The following PTPN22 variants were observed in gnomAD, a reference collection of about 807,000 sequenced individuals.
The protein encoded by PTPN22 is protein tyrosine phosphatase non-receptor type 22.
A neutral mutation model predicts 103.3 loss-of-function variants in PTPN22; 85 were observed. The observed-to-expected ratio is 0.82, with a 90% CI of 0.69 to 0.99. PTPN22 has a LOEUF of 0.99. PTPN22 is among the 50% of genes least tolerant of loss of function. PTPN22 has a pLI of 0.00. For missense variants in PTPN22, 865 were observed against 936.9 expected (o/e 0.92, Z 1.00); for synonymous variants, 323 against 310.2 (o/e 1.04, Z -0.43).
In PTPN22 at chr1:113,848,490, A is replaced by G. The variant is rs1189675014; in HGVS notation, c.915+50T>C. The G allele has an allele frequency of 1.9e-6, 3 of 1,606,676 alleles. No homozygotes were observed. In the East Asian group the frequency reaches 6.7e-5, roughly 36 times the overall value. On this transcript the variant is annotated intron_variant, in intron 11 of 20. Coordinates refer to ENST00000359785, the Ensembl canonical transcript of PTPN22. Reference sequence around the variant, plus strand: ...GCAACAAATCTGACATCCCTTGACCAAAAGCAAGTATGAAAATTTTTTTGA... The same window carrying G: ...GCAACAAATCTGACATCCCTTGACCGAAAGCAAGTATGAAAATTTTTTTGA...
exon 1 of PTPN22, chr1:113,871,559 T>A: frequency 6.2e-7 from 1 of 1,614,056 alleles, no homozygotes; most frequent in Non-Finnish European, 8.5e-7. Context: ...GGCAAACTCC[T>A]CTTTAGTAAT....
intron 11 of PTPN22, among the ~76,000 whole-genome samples, chr1:113,841,454 T>C (rs969613522): frequency 6.6e-6 from 1 of 152,058 alleles, no homozygotes; most frequent in African/African-American, 2.4e-5. Context: ...AGATTAAGAC[T>C]TTTACACACC....
chr1:113,864,459 T>G (rs1011693685), intron 1 of PTPN22: 1 of 303,092 alleles, frequency 3.3e-6, no homozygotes, highest in African/African-American at 2.3e-5. Flanking sequence ...GACCACCAAA[T>G]TGAGATCTAA....
intron 10 of PTPN22, among the ~76,000 whole-genome samples, chr1:113,849,500 AATTTTTTTTCAAAG>A (rs1160103458): frequency 6.6e-6 from 1 of 152,196 alleles, no homozygotes; most frequent in Non-Finnish European, 1.5e-5. Flanking sequence ...AATAAAGAAC[AATTTTTTTTCAAAG>A]ATAATTTTAG....
At chr1:113,836,745 T>G (rs1363620677) in intron 13 of PTPN22, among the ~76,000 whole-genome samples, 3 of 150,362 alleles carry the variant, frequency 2.0e-5, no homozygotes, top group Non-Finnish European at 4.4e-5. Flanking sequence ...CTGGGCAACA[T>G]AGCAAGACCC....
chr1:113,851,617 T>C (rs538181160), intron 10 of PTPN22, among the ~76,000 whole-genome samples: 221 of 152,362 alleles, frequency 1.5e-3, no homozygotes, highest in African/African-American at 5.2e-3. Flanking sequence ...CATATTCTGT[T>C]ACCACATCCT....
chr1:113,870,757 T>C (rs971652429), intron 1 of PTPN22, among the ~76,000 whole-genome samples: 33 of 152,196 alleles, frequency 2.2e-4, no homozygotes, highest in African/African-American at 7.2e-4. Flanking sequence ...TAGTGGTTCA[T>C]GCCTGTAATC....
At chr1:113,863,924 TATA>T (rs146630006) in intron 1 of PTPN22, among the ~76,000 whole-genome samples, 25,382 of 110,240 alleles carry the variant, frequency 0.23, 2,313 homozygotes, top group African/African-American at 0.3. Flanking sequence ...TATATATATA[TATA>T]TTTTTTTTTG....
intron 1 of PTPN22, among the ~76,000 whole-genome samples, chr1:113,868,641 T>G (rs1666314323): frequency 6.6e-6 from 1 of 152,026 alleles, no homozygotes; most frequent in Non-Finnish European, 1.5e-5. Flanking sequence ...AAAAACAAGG[T>G]CCTTAAAATC....
rs1287142055 is a variant in PTPN22, at chr1:113,833,254, T to C, written c.2026-116A>G. Reference sequence around the variant, plus strand: ...TGTAATATAGCTGTAGAGATAATTATGAAATGTAGACCCTATTTTTCCTAA... The same window carrying C: ...TGTAATATAGCTGTAGAGATAATTACGAAATGTAGACCCTATTTTTCCTAA... On this transcript the variant is annotated intron_variant, in intron 15 of 20. Transcript: ENST00000359785. 5.7e-6 allele frequency: 4 copies of C among 699,398 alleles called. No homozygotes were observed. In the East Asian group the frequency reaches 9.5e-5, roughly 17 times the overall value. 43.3% of individuals were successfully genotyped at this position (699,398 alleles called of 1,614,324 possible).
chr1:113,835,606 A>C (rs1466726991), intron 13 of PTPN22, among the ~76,000 whole-genome samples: 2 of 152,156 alleles, frequency 1.3e-5, no homozygotes, highest in African/African-American at 4.8e-5. Context: ...TATTATATTA[A>C]TTTTGGAAGC....
At chr1:113,852,625 T>G (rs1321894469) in intron 9 of PTPN22, among the ~76,000 whole-genome samples, 1 of 152,196 alleles carries the variant, frequency 6.6e-6, no homozygotes, top group Non-Finnish European at 1.5e-5. Flanking sequence ...CTGGACAGCT[T>G]GCTGGGCCCC....
At chr1:113,833,310 T>G (rs56112305) in intron 15 of PTPN22, among the ~76,000 whole-genome samples, 172 bp from the exon 16 acceptor site, 1 of 152,198 alleles carries the variant, frequency 6.6e-6, no homozygotes, top group Non-Finnish European at 1.5e-5. Flanking sequence ...TGAAATGGCA[T>G]CTTTCACTCT....
At chr1:113,839,468 C>T (rs1014137099) in intron 11 of PTPN22, among the ~76,000 whole-genome samples, 3 of 151,610 alleles carry the variant, frequency 2.0e-5, no homozygotes, top group South Asian at 2.1e-4. Flanking sequence ...TGGCTCACTG[C>T]GGTGTTGACC....
At chr1:113,815,115 T>C (rs1300360835) in intron 20 of PTPN22, 146 bp from the exon 21 acceptor site, 4 of 607,934 alleles carry the variant, frequency 6.6e-6, no homozygotes, top group East Asian at 2.9e-5. Context: ...TAGTAATAGA[T>C]TATAAAGGGA....
At chr1:113,852,560 G>A (rs2102068531) in intron 9 of PTPN22, among the ~76,000 whole-genome samples, 2 of 152,314 alleles carry the variant, frequency 1.3e-5, no homozygotes, top group Middle Eastern at 6.8e-3. Flanking sequence ...TAAAGGAAGG[G>A]TAACTATATA....
intron 7 of PTPN22, 95 bp downstream of exon 7, chr1:113,856,287 C>A (rs1285460030): frequency 1.4e-6 from 2 of 1,419,274 alleles, no homozygotes; most frequent in Non-Finnish European, 1.8e-6. Context: ...CTACCACTTC[C>A]CATTGTCTTA....
At chr1:113,858,521 G>A (rs771337900) in exon 4 of PTPN22, 2 of 1,607,126 alleles carry the variant, frequency 1.2e-6, no homozygotes, top group Non-Finnish European at 1.7e-6. Flanking sequence ...GTCCAGGAGG[G>A]TTGTAGATAA....
At chr1:113,854,211 A>G (rs1664856244) in intron 9 of PTPN22, among the ~76,000 whole-genome samples, 2 of 152,124 alleles carry the variant, frequency 1.3e-5, no homozygotes, top group Admixed American at 1.3e-4. Context: ...AGGTGAAATT[A>G]ATTTTAATAA....
Sources: allele counts gnomAD v4.1 joint callset (sites outside exome capture counted in the v4.1 genomes callset), GRCh38; gene constraint gnomAD v4.1.1; transcripts MANE v1.5; gene names NCBI Gene and HGNC (gene_info 2026-07-23, HGNC 2026-07-21).